SND1: variants seen among roughly 807,000 people sequenced by gnomAD.
SND1 encodes the protein staphylococcal nuclease domain-containing protein 1.
Under a neutral mutation model 121.7 loss-of-function variants are expected in SND1, and 38 were observed. The observed-to-expected ratio is 0.31, with a 90% CI of 0.24 to 0.41. SND1 has a LOEUF of 0.41. SND1 is among the 10% of genes least tolerant of loss of function. The pLI is 1.00. For synonymous variants in SND1, 401 were observed against 447.4 expected (o/e 0.90, Z 1.31); for missense variants, 868 against 1,184.6 (o/e 0.73, Z 3.92).
Position 128,015,076 on chromosome 7 carries a change from C to A in SND1, c.1779+24020C>A, listed in dbSNP as rs1418000567. Among the ~76,000 whole-genome samples the A allele has an allele frequency of 1.3e-5, 2 of 152,330 alleles. No homozygotes were observed. The highest frequency in any genetic ancestry group is 2.1e-4 in the South Asian group (1 of 4,832). Reference sequence around the variant, plus strand: ...CCTGGACAGGTCCAAGCTGTCTGAGCCATCAGCAGCTGCACCTCCTCCCTC... The same window carrying A: ...CCTGGACAGGTCCAAGCTGTCTGAGACATCAGCAGCTGCACCTCCTCCCTC... On this transcript the variant is annotated intron_variant, in intron 16 of 23. Transcript: ENST00000354725. The surrounding 1 kb of genome is among the most constrained non-coding windows in gnomAD (Gnocchi z 4.5).
chr7:128,053,192 G>A (rs1488961816), intron 16 of SND1, among the ~76,000 whole-genome samples: 2 of 152,200 alleles, frequency 1.3e-5, no homozygotes, highest in Non-Finnish European at 2.9e-5. Context: ...AAACCATTTA[G>A]GACTGCAGGA....
At chr7:127,767,914 A>T (rs1052732927) in intron 10 of SND1, among the ~76,000 whole-genome samples, 2 of 152,222 alleles carry the variant, frequency 1.3e-5, no homozygotes, top group Non-Finnish European at 2.9e-5. Flanking sequence ...GCCTTGAAGC[A>T]TTGGTTTTGG....
chr7:128,073,858 G>A (rs1489543891), intron 16 of SND1, among the ~76,000 whole-genome samples: 1 of 152,156 alleles, frequency 6.6e-6, no homozygotes, highest in Non-Finnish European at 1.5e-5. Flanking sequence ...CAGTGGAGGA[G>A]GCCTTGAGGC....
chr7:127,832,878 A>T (rs1798787759), intron 11 of SND1, among the ~76,000 whole-genome samples: 1 of 152,220 alleles, frequency 6.6e-6, no homozygotes, highest in Non-Finnish European at 1.5e-5. Context: ...AGAAGTGCAA[A>T]GCCTAGTGTG....
chr7:127,703,442 G>C, intron 7 of SND1, 119 bp downstream of exon 7: 1 of 1,207,694 alleles, frequency 8.3e-7, no homozygotes, highest in Non-Finnish European at 1.1e-6. Context: ...GGCCAGTTGT[G>C]GTGGCTCACG....
At chr7:127,749,583 CG>C (rs1396471196) in intron 10 of SND1, among the ~76,000 whole-genome samples, 1 of 152,004 alleles carries the variant, frequency 6.6e-6, no homozygotes, top group Admixed American at 6.6e-5. Context: ...ACGTTCACAC[CG>C]GGAAGAGTCA....
chr7:127,750,917 A>C (rs1244147525), intron 10 of SND1, among the ~76,000 whole-genome samples: 1 of 152,196 alleles, frequency 6.6e-6, no homozygotes, highest in Non-Finnish European at 1.5e-5. Flanking sequence ...ACTAGTGTAA[A>C]ATAAATGTTT....
chr7:127,753,574 T>C (rs1263424056), intron 10 of SND1, among the ~76,000 whole-genome samples: 2 of 152,188 alleles, frequency 1.3e-5, no homozygotes, highest in East Asian at 3.8e-4. Context: ...GAGACCGAAG[T>C]AAGCAAGAGA....
intron 14 of SND1, among the ~76,000 whole-genome samples, chr7:127,918,124 G>A (rs1032845128): frequency 6.7e-6 from 1 of 149,566 alleles, no homozygotes; most frequent in Non-Finnish European, 1.5e-5. Context: ...GTGCAGTGGC[G>A]CAATCCCAGC....
chr7:127,720,452 C>G (rs984068285), intron 9 of SND1, among the ~76,000 whole-genome samples: 2 of 152,208 alleles, frequency 1.3e-5, no homozygotes, highest in Non-Finnish European at 2.9e-5. Context: ...AGACTGCTGG[C>G]TGTATTATGC....
rs1310027900 is a variant in SND1 at position 128,048,938 on chromosome 7, G to A, written c.1780-25564G>A. Among the ~76,000 whole-genome samples, 7 of 152,300 alleles carry A rather than the reference G, an allele frequency of 4.6e-5. No homozygotes were observed. The South Asian group carries it at 1.5e-3, about 32-fold the overall frequency. On this transcript the variant is annotated intron_variant, in intron 16 of 23. Transcript: ENST00000354725. ...CTCCTTCTTCCAGCTGTTCACACGGGTGTTTGTCTGATCTGTCTTCCTGTC... is the reference window on the plus strand; with the variant it reads ...CTCCTTCTTCCAGCTGTTCACACGGATGTTTGTCTGATCTGTCTTCCTGTC...
At position 127,652,346 on chromosome 7, in the gene SND1, T is replaced by A. The variant is rs774578928; in HGVS notation, c.-28T>A. ...TGACACCTCCAGTCCGGCCAGCCGCTCCACTCGTTGCCTTTGCATCTCCAC... is the reference window on the plus strand; with the variant it reads ...TGACACCTCCAGTCCGGCCAGCCGCACCACTCGTTGCCTTTGCATCTCCAC... On this transcript the variant is annotated 5_prime_UTR_variant, in exon 1 of 24. Coordinates refer to ENST00000354725, the MANE Select transcript of SND1 (RefSeq NM_014390.4). 4.8e-5 allele frequency: 76 copies of A among 1,575,152 alleles called. No homozygotes were observed. The highest frequency in any genetic ancestry group is 6.5e-5 in the Non-Finnish European group (75 of 1,159,256).
At chr7:127,671,460 C>A (rs1424711106) in intron 1 of SND1, among the ~76,000 whole-genome samples, 1 of 152,142 alleles carries the variant, frequency 6.6e-6, no homozygotes, top group Non-Finnish European at 1.5e-5. Context: ...ATCAACTGAT[C>A]AATACCTGAC....
At chr7:127,801,988 C>G (rs1798139727) in intron 10 of SND1, among the ~76,000 whole-genome samples, 1 of 152,222 alleles carries the variant, frequency 6.6e-6, no homozygotes, top group East Asian at 1.9e-4. Context: ...ACTACAGGCA[C>G]CCACCACCAT....
At chr7:127,735,312 A>T (rs1796756002) in intron 10 of SND1, among the ~76,000 whole-genome samples, 1 of 152,226 alleles carries the variant, frequency 6.6e-6, no homozygotes, top group Non-Finnish European at 1.5e-5. Flanking sequence ...CAGAAGCTGT[A>T]ACTGGCTGTC....
chr7:127,773,367 G>A (rs1296792461), intron 10 of SND1, among the ~76,000 whole-genome samples: 2 of 152,016 alleles, frequency 1.3e-5, no homozygotes, highest in Non-Finnish European at 2.9e-5. Flanking sequence ...TAGAGGAATC[G>A]CGTGAATCCG....
At chr7:128,081,568 G>A in intron 18 of SND1, 67 bp downstream of exon 18, 1 of 1,590,742 alleles carries the variant, frequency 6.3e-7, no homozygotes, top group Non-Finnish European at 8.6e-7. Flanking sequence ...GGGGGTAGGG[G>A]GCCTCTGCCC....
At chr7:128,020,079 G>C (rs1396973786) in intron 16 of SND1, among the ~76,000 whole-genome samples, 4 of 152,242 alleles carry the variant, frequency 2.6e-5, no homozygotes, top group Admixed American at 6.5e-5. Flanking sequence ...CTTGTAGAGA[G>C]AAGGGGAAGG....
At chr7:127,898,500 G>A (rs925742730) in intron 13 of SND1, among the ~76,000 whole-genome samples, 2 of 152,146 alleles carry the variant, frequency 1.3e-5, no homozygotes, top group Non-Finnish European at 2.9e-5. Context: ...GTAACCAGGA[G>A]AAAGGCCGAA....
Sources: allele counts gnomAD v4.1 joint callset (sites outside exome capture counted in the v4.1 genomes callset), GRCh38; gene constraint gnomAD v4.1.1; non-coding constraint Gnocchi (gnomAD v3.1); transcripts MANE v1.5; gene names NCBI Gene and HGNC (gene_info 2026-07-23, HGNC 2026-07-21).